ADAMTSL1: variants seen among roughly 807,000 people sequenced by gnomAD.
The protein encoded by ADAMTSL1 is ADAMTS-like protein 1.
In ADAMTSL1, 126 loss-of-function variants were observed where a neutral mutation model predicts 201.8. The observed-to-expected ratio is 0.62, with a 90% CI of 0.54 to 0.72. ADAMTSL1 has a LOEUF of 0.72. ADAMTSL1 is among the 30% of genes least tolerant of loss of function. The pLI is 0.00. For synonymous variants in ADAMTSL1, 1,121 were observed against 903.4 expected (o/e 1.24, Z -4.32); for missense variants, 2,679 against 2,277.8 (o/e 1.18, Z -3.59).
Position 18,713,838 on chromosome 9 carries a change from C to T in ADAMTSL1, c.1876+6790C>T, listed in dbSNP as rs1026201762. Among the ~76,000 whole-genome samples, 35 of 147,010 alleles carry T rather than the reference C, an allele frequency of 2.4e-4. No individual in the cohort carries two copies. In the East Asian group the frequency reaches 3.3e-3, roughly 14 times the overall value. On this transcript the variant is annotated intron_variant, in intron 14 of 28. Coordinates refer to ENST00000380548, the MANE Select transcript of ADAMTSL1 (RefSeq NM_001040272.6). ...ACCACACCTATTCCAAAATTGACCA[C>T]ATACTGGGAAGTAAAGCTCTCCTCA...
At chr9:18,111,971 A>G (rs1825043341) in intron 1 of ADAMTSL1, among the ~76,000 whole-genome samples, 1 of 152,164 alleles carries the variant, frequency 6.6e-6, no homozygotes, top group African/African-American at 2.4e-5. Context: ...CACTAAGAAA[A>G]CAGTTTCCCA....
At chr9:18,654,054 C>G (rs910791833) in intron 7 of ADAMTSL1, among the ~76,000 whole-genome samples, 3 of 152,224 alleles carry the variant, frequency 2.0e-5, no homozygotes, top group Non-Finnish European at 2.9e-5. Flanking sequence ...ATGGCAAAAC[C>G]TCGTCTCTAC....
intron 2 of ADAMTSL1, among the ~76,000 whole-genome samples, chr9:18,386,464 A>G (rs189634409): frequency 6.6e-6 from 1 of 152,184 alleles, no homozygotes; most frequent in African/African-American, 2.4e-5. Context: ...CAAATTTGCT[A>G]TCAGACTTCT....
At chr9:18,629,998 T>G (rs1826646619) in intron 5 of ADAMTSL1, among the ~76,000 whole-genome samples, 1 of 152,186 alleles carries the variant, frequency 6.6e-6, no homozygotes. Flanking sequence ...TGTTTGTTTG[T>G]TTCTTTGCGT....
At chr9:18,300,459 CA>C (rs1165319953) in intron 2 of ADAMTSL1, among the ~76,000 whole-genome samples, 7 of 108,916 alleles carry the variant, frequency 6.4e-5, no homozygotes, top group African/African-American at 2.2e-4. Context: ...TGGGGCCTGT[CA>C]GGGGGAGGGG....
intron 1 of ADAMTSL1, among the ~76,000 whole-genome samples, chr9:17,978,062 A>C (rs1049883920): frequency 3.3e-5 from 5 of 152,048 alleles, no homozygotes; most frequent in African/African-American, 9.7e-5. Flanking sequence ...GTGAACTTCT[A>C]TGTCTCTCTT....
Position 17,909,135 on chromosome 9 carries a change from G to A in ADAMTSL1, c.87+2213G>A, listed in dbSNP as rs1825835045. 2.1e-5 allele frequency among the ~76,000 whole-genome samples: 3 copies of A among 145,430 alleles called. No homozygotes were observed. In the Admixed American group the frequency reaches 2.1e-4, roughly 10 times the overall value. ...AAATGTCTTCTTTTGAGAAGTGTCT[G>A]TTCATGTCCTTCGCCCACTTTTTGA... On this transcript the variant is annotated intron_variant, in intron 1 of 29. Coordinates refer to the ADAMTSL1 transcript ENST00000680146.
chr9:18,852,485 AAAG>A (rs140852249), intron 23 of ADAMTSL1, among the ~76,000 whole-genome samples: 26,116 of 152,144 alleles, frequency 0.17, 2,771 homozygotes, highest in East Asian at 0.36. Context: ...AAGCAGGAAT[AAAG>A]AAGAAGAATT....
At chr9:18,551,066 C>G (rs1434112301) in intron 3 of ADAMTSL1, among the ~76,000 whole-genome samples, 1 of 151,574 alleles carries the variant, frequency 6.6e-6, no homozygotes, top group Non-Finnish European at 1.5e-5. Flanking sequence ...TTAATAGAAG[C>G]TAGGAAAAGA....
chr9:18,589,611 T>G (rs1304558395), intron 4 of ADAMTSL1, among the ~76,000 whole-genome samples: 1 of 152,158 alleles, frequency 6.6e-6, no homozygotes, highest in Admixed American at 6.5e-5. Context: ...CCAGTACTGT[T>G]TAATAAAAGT....
At chr9:18,215,120 A>G (rs985664269) in intron 2 of ADAMTSL1, among the ~76,000 whole-genome samples, 15 of 152,212 alleles carry the variant, frequency 9.9e-5, no homozygotes, top group African/African-American at 3.6e-4. Context: ...AAATATTGTT[A>G]CATTTTGTAT....
chr9:17,934,325 C>T (rs1228180639), intron 1 of ADAMTSL1, among the ~76,000 whole-genome samples: 1 of 152,108 alleles, frequency 6.6e-6, no homozygotes, highest in Non-Finnish European at 1.5e-5. Context: ...TTTCATAATT[C>T]TTCAAATCTC....
chr9:18,901,578 T>G (rs1326166818), intron 26 of ADAMTSL1, among the ~76,000 whole-genome samples: 8 of 152,132 alleles, frequency 5.3e-5, no homozygotes. Flanking sequence ...TGTATGAAAT[T>G]GATATCAAAA....
At chr9:18,265,356 T>C (rs182917421) in intron 2 of ADAMTSL1, among the ~76,000 whole-genome samples, 168 of 152,090 alleles carry the variant, frequency 1.1e-3, no homozygotes, top group Admixed American at 2.7e-3. Context: ...ACCCCACCCA[T>C]AGCCAGTGCT....
At chr9:18,706,276 TG>T (rs1409648823) in intron 13 of ADAMTSL1, among the ~76,000 whole-genome samples, 2 of 152,196 alleles carry the variant, frequency 1.3e-5, no homozygotes, top group Admixed American at 1.3e-4. Flanking sequence ...AGTATGTGAA[TG>T]TATTATAATT....
chr9:18,337,969 G>A (rs552298982), intron 2 of ADAMTSL1, among the ~76,000 whole-genome samples: 7 of 152,078 alleles, frequency 4.6e-5, no homozygotes, highest in African/African-American at 1.2e-4. Flanking sequence ...GGTCAAGCCC[G>A]GCTTGGTTAC....
chr9:18,102,492 CAGTT>C (rs1252422420), intron 1 of ADAMTSL1, among the ~76,000 whole-genome samples: 1 of 152,112 alleles, frequency 6.6e-6, no homozygotes, highest in Non-Finnish European at 1.5e-5. Flanking sequence ...GGTCTTGGTT[CAGTT>C]AGTTAGTGGT....
At chr9:18,884,673 G>A (rs1828744846) in intron 23 of ADAMTSL1, among the ~76,000 whole-genome samples, 2 of 152,000 alleles carry the variant, frequency 1.3e-5, no homozygotes, top group African/African-American at 4.8e-5. Flanking sequence ...CCCATTGAAT[G>A]GTCTTAGCAA....
chr9:18,631,048 C>T (rs1743411717), intron 5 of ADAMTSL1, among the ~76,000 whole-genome samples: 1 of 152,062 alleles, frequency 6.6e-6, no homozygotes, highest in Admixed American at 6.6e-5. Context: ...AGGATTATCG[C>T]CTGAGTGAGA....
Sources: allele counts gnomAD v4.1 joint callset (sites outside exome capture counted in the v4.1 genomes callset), GRCh38; gene constraint gnomAD v4.1.1; transcripts MANE v1.5; gene names NCBI Gene and HGNC (gene_info 2026-07-23, HGNC 2026-07-21).